The following EPB41L3 variants were observed in gnomAD, a reference collection of about 807,000 sequenced individuals.
The protein encoded by EPB41L3 is erythrocyte membrane protein band 4.1 like 3, also known as band 4.1-like protein 3.
Under a neutral mutation model 127.1 loss-of-function variants are expected in EPB41L3, and 57 were observed. That is an observed-to-expected ratio of 0.45 (90% CI 0.36 to 0.56). The LOEUF is 0.56. Ranked by LOEUF, EPB41L3 falls within the 20% of genes least tolerant of loss-of-function variation. The pLI is 0.00. For missense variants in EPB41L3, 1,273 were observed against 1,372.2 expected (o/e 0.93, Z 1.14); for synonymous variants, 572 against 549.5 (o/e 1.04, Z -0.57).
At chr18:5,400,718 G>C in intron 16 of EPB41L3, 1 of 535,382 alleles carries the variant, frequency 1.9e-6, no homozygotes, top group Non-Finnish European at 3.4e-6. Flanking sequence ...TTATCAGAAA[G>C]TAAGTCAATG....
intron 5 of EPB41L3, 77 bp from the exon 6 acceptor site, chr18:5,438,187 A>G: frequency 2.2e-6 from 3 of 1,379,024 alleles, no homozygotes; most frequent in Non-Finnish European, 3.0e-6. Context: ...AACTGCCTTA[A>G]CTCCAAGCAT....
chr18:5,423,163 T>C (rs2077694201), intron 11 of EPB41L3, among the ~76,000 whole-genome samples: 1 of 152,202 alleles, frequency 6.6e-6, no homozygotes, highest in Non-Finnish European at 1.5e-5. Flanking sequence ...GCCATTCTTT[T>C]ATGTAATTTT....
chr18:5,563,603 A>G (rs763827331), intron 3 of EPB41L3, among the ~76,000 whole-genome samples: 6 of 152,156 alleles, frequency 3.9e-5, no homozygotes. Flanking sequence ...GCCTCCACTC[A>G]ATGCACTAGT....
chr18:5,621,294 C>A (rs1287922320), intron 1 of EPB41L3, among the ~76,000 whole-genome samples: 1 of 152,124 alleles, frequency 6.6e-6, no homozygotes, highest in East Asian at 1.9e-4. Flanking sequence ...TCCCTAAACC[C>A]AGTTGGGAGA....
intron 5 of EPB41L3, among the ~76,000 whole-genome samples, chr18:5,439,146 G>T (rs539852997): frequency 6.6e-6 from 1 of 152,084 alleles, no homozygotes; most frequent in South Asian, 2.1e-4. Flanking sequence ...GGTCCTGCTT[G>T]TATTTCGAAT....
At chr18:5,583,177 C>A (rs2094410901) in intron 3 of EPB41L3, among the ~76,000 whole-genome samples, 1 of 152,178 alleles carries the variant, frequency 6.6e-6, no homozygotes, top group Non-Finnish European at 1.5e-5. Context: ...AGACAACTGT[C>A]ATAGAACACA....
chr18:5,604,489 T>G (rs1333030768), intron 3 of EPB41L3, among the ~76,000 whole-genome samples: 1 of 152,168 alleles, frequency 6.6e-6, no homozygotes, highest in Admixed American at 6.5e-5. Flanking sequence ...AGTCTTGCTC[T>G]GTCACCTGGG....
At chr18:5,560,259 T>C (rs1785394) in intron 3 of EPB41L3, among the ~76,000 whole-genome samples, 123,013 of 152,142 alleles carry the variant, frequency 0.81, 50,933 homozygotes, top group Non-Finnish European at 0.91. Context: ...GATGGGTTCC[T>C]TTGATTAATG....
intron 1 of EPB41L3, among the ~76,000 whole-genome samples, chr18:5,615,383 T>C (rs1172377304): frequency 6.6e-6 from 1 of 152,094 alleles, no homozygotes; most frequent in South Asian, 2.1e-4. Flanking sequence ...TAATTTTTAA[T>C]TTTTGTGGGT....
chr18:5,406,252 A>AG (rs2075366898), intron 16 of EPB41L3, among the ~76,000 whole-genome samples: 1 of 151,898 alleles, frequency 6.6e-6, no homozygotes, highest in African/African-American at 2.4e-5. Context: ...CACTGTCTTA[A>AG]AAACAAAAAA....
intron 1 of EPB41L3, among the ~76,000 whole-genome samples, chr18:5,498,476 C>A (rs1390499544): frequency 2.7e-5 from 4 of 150,498 alleles, no homozygotes; most frequent in Admixed American, 6.7e-5. Context: ...CACCTGTAAT[C>A]CCAGCTACTT....
chr18:5,540,459 C>T (rs2093687824), intron 1 of EPB41L3: 2 of 985,290 alleles, frequency 2.0e-6, no homozygotes, highest in Non-Finnish European at 2.4e-6. Context: ...TCCTTTGAGC[C>T]ATAGTGATGT....
chr18:5,425,211 G>A (rs2078007805), intron 9 of EPB41L3, among the ~76,000 whole-genome samples: 1 of 152,132 alleles, frequency 6.6e-6, no homozygotes, highest in Non-Finnish European at 1.5e-5. Flanking sequence ...GCAAAGAACC[G>A]AGGTGAGGGG....
chr18:5,428,869 T>C (rs2078588489), intron 8 of EPB41L3, among the ~76,000 whole-genome samples: 1 of 152,192 alleles, frequency 6.6e-6, no homozygotes, highest in Non-Finnish European at 1.5e-5. Context: ...TTATTCCCAT[T>C]TTACAGATGA....
At chr18:5,478,493 C>T (rs1156653507) in intron 2 of EPB41L3, 55 bp from the exon 3 acceptor site, 2 of 1,565,970 alleles carry the variant, frequency 1.3e-6, no homozygotes, top group Non-Finnish European at 1.8e-6. Context: ...ATAAATATTG[C>T]ATTGCTCATG....
intron 2 of EPB41L3, among the ~76,000 whole-genome samples, chr18:5,483,147 T>A (rs1451965809): frequency 1.3e-5 from 2 of 152,016 alleles, no homozygotes; most frequent in Non-Finnish European, 2.9e-5. Context: ...CAAAATGTAA[T>A]GGGGATGGAG....
intron 9 of EPB41L3, among the ~76,000 whole-genome samples, chr18:5,426,777 C>T (rs1381239116): frequency 6.6e-6 from 1 of 152,158 alleles, no homozygotes; most frequent in Non-Finnish European, 1.5e-5. Flanking sequence ...TCATATTTGT[C>T]TTTAGATTTC....
At chr18:5,407,016 G>A in intron 15 of EPB41L3, 48 bp from the exon 16 acceptor site, 1 of 1,544,362 alleles carries the variant, frequency 6.5e-7, no homozygotes, top group African/African-American at 1.4e-5. Context: ...TTACATTTGT[G>A]TTCCTTTCAG....
chr18:5,482,600 A>T (rs1305092024), intron 2 of EPB41L3, among the ~76,000 whole-genome samples: 1 of 152,222 alleles, frequency 6.6e-6, no homozygotes, highest in Non-Finnish European at 1.5e-5. Context: ...CCCTAAAAGC[A>T]GCAAGAGAAA....
Sources: gnomAD v4.1 joint callset for allele counts (sites outside exome capture counted in the v4.1 genomes callset) on GRCh38, gnomAD v4.1.1 for gene constraint, MANE v1.5 for transcripts, NCBI Gene and HGNC (gene_info 2026-07-23, HGNC 2026-07-21) for gene names.